The following RALB variants were observed in gnomAD, a reference collection of about 807,000 sequenced individuals.
The protein encoded by RALB is ras-related protein Ral-B.
Under a neutral mutation model 21.3 loss-of-function variants are expected in RALB, and 16 were observed. The ratio of observed to expected loss-of-function variants is 0.75; its 90% CI spans 0.51 to 1.14. The LOEUF (loss-of-function observed/expected upper bound fraction) is 1.14, where lower values mean the gene tolerates loss of function less well. RALB is among the 50% of genes most tolerant of loss of function. RALB has a pLI of 0.00. For synonymous variants in RALB, 93 were observed against 96.1 expected (o/e 0.97, Z 0.19); for missense variants, 161 against 256.2 (o/e 0.63, Z 2.54).
At chr2:120,251,626 C>A (rs1689058371), upstream of RALB, among the ~76,000 whole-genome samples, 2 of 152,234 alleles carry the variant, frequency 1.3e-5, no homozygotes, top group Admixed American at 1.3e-4. Flanking sequence ...GGTCTGATTC[C>A]TCTTCTAGGT....
chr2:120,266,868 T>A (rs537026355), intron 1 of RALB, among the ~76,000 whole-genome samples: 2 of 152,320 alleles, frequency 1.3e-5, no homozygotes, highest in South Asian at 4.1e-4. Flanking sequence ...ATGAATGGGC[T>A]TGAAGTTTGG....
chr2:120,240,289 T>TA (rs1212788411), intron 1 of RALB, among the ~76,000 whole-genome samples: 1 of 142,038 alleles, frequency 7.0e-6, no homozygotes, highest in African/African-American at 2.9e-5. Context: ...TTATTTTTAT[T>TA]TTTATTTTTT....
intron 1 of RALB, among the ~76,000 whole-genome samples, chr2:120,272,185 A>G (rs1017609837): frequency 2.0e-5 from 3 of 152,166 alleles, no homozygotes; most frequent in Admixed American, 1.3e-4. Context: ...GTGTGTCCTC[A>G]CATGGTGGAA....
chr2:120,249,381 A>C (rs1689019324), upstream of RALB, among the ~76,000 whole-genome samples: 1 of 152,160 alleles, frequency 6.6e-6, no homozygotes, highest in Non-Finnish European at 1.5e-5. Flanking sequence ...AGACTGGGTA[A>C]TTGATAAAGA....
intron 2 of RALB, among the ~76,000 whole-genome samples, chr2:120,281,588 T>A (rs1689991058): frequency 6.6e-6 from 1 of 152,212 alleles, no homozygotes; most frequent in Non-Finnish European, 1.5e-5. Context: ...CCATGTCTTA[T>A]AATGAGACAC....
At chr2:120,284,758 AC>A (rs58519886) in intron 2 of RALB, among the ~76,000 whole-genome samples, 119,086 of 152,036 alleles carry the variant, frequency 0.78, 46,664 homozygotes, top group Middle Eastern at 0.82. Context: ...AAAAAAACCA[AC>A]CTACGTATTA....
At chr2:120,278,062 TGTGA>T (rs1182409993) in intron 1 of RALB, among the ~76,000 whole-genome samples, 4 of 149,716 alleles carry the variant, frequency 2.7e-5, no homozygotes, top group African/African-American at 4.9e-5. Flanking sequence ...TGTGAGCGTG[TGTGA>T]GTGTGAGCAT....
In RALB at chr2:120,294,274, T is replaced by C; in HGVS notation, c.*1014T>C. The C allele has an allele frequency of 2.5e-6, 1 of 398,666 alleles. No homozygotes were observed. The highest frequency in any genetic ancestry group is 4.4e-5 in the Admixed American group (1 of 22,734). The allele number at this position is 398,666 out of a possible 1,614,324, so 24.7% of individuals were successfully genotyped here. A position where few individuals can be genotyped will look rare whatever the true frequency, so the allele number is the denominator to read the frequency against. ...GTGCCAGACCTTCTGCTACCTCTCA[T>C]AGAATTGCTCTGTAATTCTAAATTT... On this transcript the variant is annotated 3_prime_UTR_variant, in exon 5 of 5. Transcript: ENST00000272519.
At chr2:120,240,750 C>T (rs867398680) in intron 1 of RALB, among the ~76,000 whole-genome samples, 1 of 152,188 alleles carries the variant, frequency 6.6e-6, no homozygotes, top group South Asian at 2.1e-4. Flanking sequence ...CTTACTGTTT[C>T]CATGACCTCC....
At chr2:120,281,143 C>G (rs917022640) in intron 2 of RALB, among the ~76,000 whole-genome samples, 2 of 152,226 alleles carry the variant, frequency 1.3e-5, no homozygotes, top group Non-Finnish European at 2.9e-5. Context: ...GCTGTGACCT[C>G]TTCTGAGGCG....
chr2:120,263,324 A>G (rs1689419442), intron 1 of RALB, among the ~76,000 whole-genome samples: 1 of 151,822 alleles, frequency 6.6e-6, no homozygotes, highest in Non-Finnish European at 1.5e-5. Flanking sequence ...ACATGCCACT[A>G]CACCCAGCTA....
chr2:120,273,268 G>C (rs1195780569), intron 1 of RALB, among the ~76,000 whole-genome samples: 2 of 151,650 alleles, frequency 1.3e-5, no homozygotes, highest in Non-Finnish European at 2.9e-5. Context: ...AACTATAGGG[G>C]TGTAGAAAAT....
intron 1 of RALB, among the ~76,000 whole-genome samples, chr2:120,245,790 T>C (rs559634651): frequency 5.2e-4 from 79 of 152,302 alleles, no homozygotes; most frequent in African/African-American, 1.9e-3. Context: ...GGACCAGGCC[T>C]TGGTGGGGAC....
intron 1 of RALB, among the ~76,000 whole-genome samples, chr2:120,277,423 TAG>T (rs1428951904): frequency 5.3e-5 from 8 of 150,622 alleles, no homozygotes; most frequent in African/African-American, 2.0e-4. Flanking sequence ...ATGTGCATGT[TAG>T]AGCCTCTGAG....
chr2:120,261,680 G>A (rs1689370706), intron 1 of RALB, among the ~76,000 whole-genome samples: 1 of 152,136 alleles, frequency 6.6e-6, no homozygotes, highest in Non-Finnish European at 1.5e-5. Flanking sequence ...GAGATGGAGG[G>A]GAAGGGAGCA....
At chr2:120,272,666 A>C (rs1689694249) in intron 1 of RALB, among the ~76,000 whole-genome samples, 1 of 152,222 alleles carries the variant, frequency 6.6e-6, no homozygotes. Flanking sequence ...TTAAATCATT[A>C]ACGTGAGCTT....
At position 120,290,653 on chromosome 2, in the gene RALB, T is replaced by C. The variant is rs961774039; in HGVS notation, c.501+896T>C. ...ATCTCTTTTTTTTTTTTATCTCTTA[T>C]CCCATCCCAGCATACTTTCTCATTC... On this transcript the variant is annotated intron_variant, in intron 4 of 4. Coordinates refer to ENST00000272519, the MANE Select transcript of RALB (RefSeq NM_002881.3). 5.3e-5 allele frequency among the ~76,000 whole-genome samples: 8 copies of C among 151,870 alleles called. No homozygotes were observed. The East Asian group carries it at 1.5e-3, about 29-fold the overall frequency.
At chr2:120,272,024 C>A (rs1254094179) in intron 1 of RALB, among the ~76,000 whole-genome samples, 6 of 152,114 alleles carry the variant, frequency 3.9e-5, no homozygotes, top group African/African-American at 1.4e-4. Context: ...TAACAAAATA[C>A]CATAGACTGG....
chr2:120,255,014 T>C (rs1450161323), intron 1 of RALB, among the ~76,000 whole-genome samples: 1 of 152,236 alleles, frequency 6.6e-6, no homozygotes, highest in Admixed American at 6.5e-5. Context: ...AATCCTACTA[T>C]GCCTCTTTGC....
Sources: allele counts gnomAD v4.1 joint callset (sites outside exome capture counted in the v4.1 genomes callset), GRCh38; gene constraint gnomAD v4.1.1; transcripts MANE v1.5; gene names NCBI Gene and HGNC (gene_info 2026-07-23, HGNC 2026-07-21).